Variants in XYLT1 observed in about 807,000 individuals in gnomAD.
XYLT1 encodes the protein xylosyltransferase 1, also known as beta-D-xylosyltransferase 1.
Under a neutral mutation model 91.3 loss-of-function variants are expected in XYLT1, and 36 were observed. The observed-to-expected ratio is 0.39, with a 90% CI of 0.30 to 0.52. XYLT1 has a LOEUF of 0.52. Ranked by LOEUF, XYLT1 falls within the 20% of genes least tolerant of loss-of-function variation. The pLI, the probability that XYLT1 is intolerant of heterozygous loss-of-function variation, is 0.68. For missense variants in XYLT1, 1,242 were observed against 1,284.5 expected (o/e 0.97, Z 0.51); for synonymous variants, 588 against 532.0 (o/e 1.11, Z -1.45).
At chr16:17,172,533 G>A (rs565042483) in intron 5 of XYLT1, among the ~76,000 whole-genome samples, 12 of 145,788 alleles carry the variant, frequency 8.2e-5, no homozygotes, top group South Asian at 6.4e-4. Flanking sequence ...GTGCAGTGGC[G>A]TGATCTCGGC....
intron 3 of XYLT1, among the ~76,000 whole-genome samples, chr16:17,243,080 T>A (rs1353926993): frequency 6.6e-6 from 1 of 152,194 alleles, no homozygotes; most frequent in Non-Finnish European, 1.5e-5. Context: ...TAAACAAAGG[T>A]GTACAAATGT....
intron 2 of XYLT1, among the ~76,000 whole-genome samples, chr16:17,289,095 G>A (rs2034184822): frequency 6.6e-6 from 1 of 152,194 alleles, no homozygotes; most frequent in Non-Finnish European, 1.5e-5. Context: ...ATCATTTTCT[G>A]TAAAGGACTG....
intron 3 of XYLT1, among the ~76,000 whole-genome samples, chr16:17,254,996 C>CTTT (rs34553607): frequency 7.1e-5 from 8 of 113,352 alleles, no homozygotes; most frequent in Non-Finnish European, 1.4e-4. Flanking sequence ...TTTTCTTTTT[C>CTTT]TTTTTTTTTT....
At chr16:17,420,365 T>C (rs1422342292) in intron 1 of XYLT1, among the ~76,000 whole-genome samples, 2 of 152,236 alleles carry the variant, frequency 1.3e-5, no homozygotes, top group African/African-American at 2.4e-5. Flanking sequence ...TTAGCAATAA[T>C]GGCTCAATGG....
chr16:17,259,480 G>T lies in XYLT1; in HGVS notation c.421C>A (p.Arg141=). The T allele has an allele frequency of 6.2e-7, 1 of 1,608,212 alleles. No individual in the cohort carries two copies. Among genetic ancestry groups the T allele is most frequent in the Non-Finnish European group, 8.5e-7 (1 of 1,177,756 alleles). ...TCTGTTCGCACTTTCTCTTTCGGCC[G>T]ATGAGAAAAGTAGCCATCCTGGAGA... ...LETQDGYFSH[R]PKEKVRTDSN... The change falls in exon 3 of 12, where the codon CGG becomes AGG. Residue 141 remains arginine (R), a synonymous_variant. Transcript: ENST00000261381.
intron 3 of XYLT1, among the ~76,000 whole-genome samples, chr16:17,228,301 C>A (rs988104827): frequency 5.3e-5 from 8 of 152,168 alleles, no homozygotes; most frequent in African/African-American, 1.4e-4. Context: ...TGAATAATCC[C>A]CTGCACATTT....
intron 2 of XYLT1, among the ~76,000 whole-genome samples, chr16:17,266,324 G>C (rs981531779): frequency 2.0e-5 from 3 of 152,188 alleles, no homozygotes; most frequent in African/African-American, 7.2e-5. Context: ...ATCAAGCATA[G>C]AAGATAGTGC....
intron 2 of XYLT1, among the ~76,000 whole-genome samples, chr16:17,318,237 T>C (rs1447774436): frequency 6.6e-6 from 1 of 152,184 alleles, no homozygotes; most frequent in Non-Finnish European, 1.5e-5. Context: ...AACTGGACCC[T>C]GGGTTTACTT....
chr16:17,362,214 G>A (rs969880490), intron 1 of XYLT1, among the ~76,000 whole-genome samples: 3 of 151,960 alleles, frequency 2.0e-5, no homozygotes, highest in Non-Finnish European at 1.5e-5. Context: ...CAGCAAATAA[G>A]CAGTACCACC....
At chr16:17,138,594 G>A (rs1034710513) in intron 7 of XYLT1, 63 bp from the exon 8 acceptor site, 7 of 1,567,922 alleles carry the variant, frequency 4.5e-6, no homozygotes, top group African/African-American at 2.7e-5. Flanking sequence ...GAACTGGGGT[G>A]GGAAATGGTG....
chr16:17,458,595 C>T (rs1158167112), intron 1 of XYLT1, among the ~76,000 whole-genome samples: 1 of 152,138 alleles, frequency 6.6e-6, no homozygotes, highest in Non-Finnish European at 1.5e-5. Context: ...CAGAACAAAA[C>T]AGCACAGCTG....
intron 2 of XYLT1, among the ~76,000 whole-genome samples, chr16:17,346,019 C>T (rs1481216000): frequency 2.0e-5 from 3 of 152,176 alleles, no homozygotes; most frequent in Non-Finnish European, 4.4e-5. Context: ...CCATGTTGGT[C>T]AGGCTGGTCT....
intron 2 of XYLT1, among the ~76,000 whole-genome samples, chr16:17,346,795 C>G (rs1275326593): frequency 6.6e-6 from 1 of 152,138 alleles, no homozygotes; most frequent in Non-Finnish European, 1.5e-5. Flanking sequence ...ATTGAGCTGG[C>G]TGGGTTTTTC....
intron 1 of XYLT1, among the ~76,000 whole-genome samples, chr16:17,365,346 G>A (rs1567394611): frequency 1.3e-5 from 2 of 152,146 alleles, no homozygotes; most frequent in Admixed American, 6.5e-5. Context: ...CTCCTAAGAC[G>A]AAGGCTGGGC....
rs13331954 is a variant in XYLT1 at position 17,108,684 on chromosome 16, C to T, written c.*11G>A. On this transcript the variant is annotated 3_prime_UTR_variant, in exon 12 of 12. Transcript: ENST00000261381. ...TGAGATCCTGCTGTGGCCCACTCCT[C>T]GTGCCCAGTGCTACCTGAGCCGGCC... 1.0e-3 allele frequency: 1,571 copies of T among 1,551,974 alleles called. 3 individuals carry two copies. Among genetic ancestry groups the T allele is most frequent in the African/African-American group, 2.6e-3 (192 of 74,374 alleles).
chr16:17,223,926 G>A (rs529115869), intron 3 of XYLT1, among the ~76,000 whole-genome samples: 13 of 152,272 alleles, frequency 8.5e-5, no homozygotes, highest in African/African-American at 2.4e-4. Flanking sequence ...TGACCTCAAC[G>A]CAAACAAACA....
At position 17,312,001 on chromosome 16, in the gene XYLT1, C is replaced by A. The variant is rs556734604; in HGVS notation, c.402+46011G>T. Reference sequence around the variant, plus strand: ...TGGAGGGAGGGAATTATAGGAGCTACAATTCAAGATGAGATTTGGGTGGGG... The same window carrying A: ...TGGAGGGAGGGAATTATAGGAGCTAAAATTCAAGATGAGATTTGGGTGGGG... On this transcript the variant is annotated intron_variant, in intron 2 of 11. Transcript: ENST00000261381. The surrounding 1 kb of genome is among the most constrained non-coding windows in gnomAD (Gnocchi z 4.4). Among the ~76,000 whole-genome samples, 1 of 152,182 alleles carries A rather than the reference C, an allele frequency of 6.6e-6. No homozygotes were observed. The highest frequency in any genetic ancestry group is 2.4e-5 in the African/African-American group (1 of 41,506).
intron 10 of XYLT1, among the ~76,000 whole-genome samples, chr16:17,118,960 T>C (rs9931562): frequency 0.29 from 43,689 of 152,006 alleles, 6,761 homozygotes; most frequent in East Asian, 0.61. Context: ...AGAGTCTTTA[T>C]CTGACCACCC....
At chr16:17,136,180 T>G (rs1597143746) in intron 8 of XYLT1, among the ~76,000 whole-genome samples, 1 of 152,182 alleles carries the variant, frequency 6.6e-6, no homozygotes, top group African/African-American at 2.4e-5. Context: ...GCAGGTATTA[T>G]GATTCCCATT....
Sources: allele counts gnomAD v4.1 joint callset (sites outside exome capture counted in the v4.1 genomes callset), GRCh38; gene constraint gnomAD v4.1.1; non-coding constraint Gnocchi (gnomAD v3.1); transcripts MANE v1.5; gene names NCBI Gene and HGNC (gene_info 2026-07-23, HGNC 2026-07-21).